Variants in HDAC6 observed in about 807,000 individuals in gnomAD.
The protein encoded by HDAC6 is histone deacetylase 6.
A neutral mutation model predicts 88.9 loss-of-function variants in HDAC6; 5 were observed. That is an observed-to-expected ratio of 0.06 (90% CI 0.03 to 0.12). The LOEUF (loss-of-function observed/expected upper bound fraction) is 0.12, where lower values mean the gene tolerates loss of function less well. HDAC6 is among the 10% of genes least tolerant of loss of function. HDAC6 has a pLI of 1.00. For synonymous variants in HDAC6, 378 were observed against 398.0 expected (o/e 0.95, Z 0.60); for missense variants, 706 against 1,014.4 (o/e 0.70, Z 4.13).
At position 48,823,440 on chromosome X, in the gene HDAC6, G is replaced by T; in HGVS notation, c.3041G>T (p.Gly1014Val). 2 of 1,210,779 alleles carry T rather than the reference G, an allele frequency of 1.7e-6. No homozygotes were observed. Among genetic ancestry groups the T allele is most frequent in the Non-Finnish European group, 2.2e-6 (2 of 895,068 alleles). The change falls in exon 25 of 29, where the codon GGG becomes GTG. Residue 1014 changes from glycine (G) to valine (V), a missense_variant. By Grantham distance (109) the Gly-to-Val change is moderately radical. Around this residue, in one of 9 missense-constraint regions of HDAC6, gnomAD observed 112 missense variants for 95.1 expected, o/e 1.18. Transcript: ENST00000334136. ...CAGACTACGTCAGAGGAGGCTCCAG[G>T]GGGCACCGAGCTGATCCAAACTCCT... ...LDQTTSEEAP[G>V]GTELIQTPLA...
intron 6 of HDAC6, chrX:48,805,916 A>G: frequency 2.3e-6 from 1 of 431,550 alleles, no homozygotes. Context: ...ATGATGAGCT[A>G]TTACTGTTAT....
At chrX:48,814,798 G>A in intron 12 of HDAC6, 36 bp from the exon 13 acceptor site, 3 of 1,210,644 alleles carry the variant, frequency 2.5e-6, no homozygotes, top group Non-Finnish European at 3.4e-6. Flanking sequence ...TAGGCTGTGA[G>A]GGTAGGTAGC....
At chrX:48,815,196 C>T (rs782627904) in intron 14 of HDAC6, 145 bp downstream of exon 14, 35 of 573,516 alleles carry the variant, frequency 6.1e-5, no homozygotes, top group Non-Finnish European at 9.3e-5. Flanking sequence ...TTTGTGCCTC[C>T]GCTTTCCTTC....
Position 48,816,930 on chromosome X carries a change from G to A in HDAC6, c.1791+297G>A, listed in dbSNP as rs2062995162. 3 of 319,304 alleles carry A rather than the reference G, an allele frequency of 9.4e-6. No individual in the cohort carries two copies. In the East Asian group the frequency reaches 1.5e-4, roughly 16 times the overall value. 26.3% of individuals were successfully genotyped at this position (319,304 alleles called of 1,213,427 possible). ...GATTGCACCACTGCACTCTAGCCTG[G>A]GCAACAGAGTGAGACCCTGTGTCAA... On this transcript the variant is annotated intron_variant, in intron 19 of 28. Coordinates refer to ENST00000334136, the MANE Select transcript of HDAC6 (RefSeq NM_006044.4).
rs2062734342 is a variant in HDAC6, at chrX:48,802,078, C to G, written c.-95C>G. On this transcript the variant is annotated 5_prime_UTR_variant, in exon 1 of 29. Transcript: ENST00000334136. The stretch of plus-strand genomic sequence containing the variant: ...CAGGGGGTGGAGCTGGTTGAAGGAA[C>G]GGGGCAGTCCCCTGAGGAGCGGGGC... The G allele has an allele frequency of 2.7e-5, 24 of 897,743 alleles. No homozygotes were observed. In the South Asian group the frequency reaches 5.7e-4, roughly 21 times the overall value. 74.0% of individuals were successfully genotyped at this position (897,743 alleles called of 1,213,427 possible).
Position 48,823,127 on chromosome X carries a change from C to T in HDAC6, c.2728C>T (p.Pro910Ser), listed in dbSNP as rs782698415. The change falls in exon 25 of 29, where the codon CCC (proline) becomes TCC (serine). Residue 910 changes from proline (P) to serine (S), a missense_variant. Transcript: ENST00000334136. ...TGTGGTGGCCCTCACTCAGGACCAGCCCTCAGAGGCAGCCACAGGGGGAGC... is the reference window on the plus strand; with the variant it reads ...TGTGGTGGCCCTCACTCAGGACCAGTCCTCAGAGGCAGCCACAGGGGGAGC... Reference protein sequence around the residue: ...TAVVALTQDQPSEAATGGATL... With the variant: ...TAVVALTQDQSSEAATGGATL... The T allele has an allele frequency of 1.2e-5, 15 of 1,207,466 alleles. No individual in the cohort carries two copies. Among genetic ancestry groups the T allele is most frequent in the South Asian group, 5.3e-5 (3 of 56,263 alleles).
intron 20 of HDAC6, 159 bp from the exon 21 acceptor site, chrX:48,817,882 G>C: frequency 6.0e-6 from 3 of 503,940 alleles, no homozygotes; most frequent in Non-Finnish European, 1.0e-5. Flanking sequence ...GGCCTACCGG[G>C]CAGCCCTTGG....
rs1340290789 is a variant in HDAC6, at chrX:48,824,470, T to G, written c.3580-74T>G. 26 of 1,069,573 alleles carry G rather than the reference T, an allele frequency of 2.4e-5. No homozygotes were observed. In the East Asian group the frequency reaches 7.3e-4, roughly 30 times the overall value. The allele number at this position is 1,069,573 out of a possible 1,213,427, so 88.1% of individuals were successfully genotyped here. ...AAGACAGAGTGGTTGAGGGCTGGAG[T>G]GGGGGCAGCCCTGCAGCCGAGGTAG... On this transcript the variant is annotated intron_variant, in intron 28 of 28. Coordinates refer to ENST00000334136, the MANE Select transcript of HDAC6 (RefSeq NM_006044.4).
In HDAC6 at chrX:48,815,545, T is replaced by C. The variant is rs782106418; in HGVS notation, c.1257-30T>C. The C allele has an allele frequency of 9.1e-6, 11 of 1,205,215 alleles. No homozygotes were observed. The South Asian group carries it at 1.6e-4, about 17-fold the overall frequency. ...GAGCCTCACTGCCCGCCCACATTCCTTGACATCATATTTTCTCCCTGCCCT... is the reference window on the plus strand; with the variant it reads ...GAGCCTCACTGCCCGCCCACATTCCCTGACATCATATTTTCTCCCTGCCCT... On this transcript the variant is annotated intron_variant, in intron 15 of 28. Coordinates refer to ENST00000334136, the MANE Select transcript of HDAC6 (RefSeq NM_006044.4).
intron 10 of HDAC6, among the ~76,000 whole-genome samples, chrX:48,812,849 G>C (rs1244156773): frequency 9.0e-6 from 1 of 111,655 alleles, no homozygotes; most frequent in Non-Finnish European, 1.9e-5. Context: ...CTCTCTTTTA[G>C]AGTCAGCTTT....
rs2063102537 is a variant in HDAC6 at position 48,822,684 on chromosome X, A to G, written c.2402A>G (p.Asp801Gly). Residue 801 changes from aspartate (D) to glycine (G), a missense_variant, in exon 24 of 29, where the codon GAC (aspartate) becomes GGC (glycine). Asp to Gly is a moderately conservative substitution (Grantham distance 94). This residue lies in a region of HDAC6 where 138 missense variants were observed against 303.5 expected (regional missense o/e 0.45). Transcript: ENST00000334136. Reference sequence around the variant, plus strand: ...GCCTGCACTCGCTCCCTCCTTGGAGACCCACCACCCCTGCTGACCCTGCCA... The same window carrying G: ...GCCTGCACTCGCTCCCTCCTTGGAGGCCCACCACCCCTGCTGACCCTGCCA... ...MAACTRSLLG[D>G]PPPLLTLPRP... The G allele has an allele frequency of 8.3e-7, 1 of 1,205,867 alleles. No individual in the cohort carries two copies. Among genetic ancestry groups the G allele is most frequent in the African/African-American group, 1.8e-5 (1 of 56,731 alleles).
chrX:48,824,584 T>G lies in HDAC6; in HGVS notation c.3620T>G (p.Phe1207Cys). 7 of 1,209,925 alleles carry G rather than the reference T, an allele frequency of 5.8e-6. No individual in the cohort carries two copies. The highest frequency in any genetic ancestry group is 1.7e-5 in the African/African-American group (1 of 57,358). ...AAGAACATCGCCCACCAGAACAAGT[T>G]TGGGGAGGATATGCCCCACCCACAC... ...DVKNIAHQNKFGEDMPHPH is the reference protein window; with the variant it reads ...DVKNIAHQNKCGEDMPHPH The change falls in exon 29 of 29, where the codon TTT becomes TGT. Residue 1207 changes from phenylalanine (F) to cysteine (C), a missense_variant. Coordinates refer to ENST00000334136, the MANE Select transcript of HDAC6 (RefSeq NM_006044.4).
intron 10 of HDAC6, 97 bp downstream of exon 10, chrX:48,808,423 C>T (rs2062851490): frequency 3.7e-6 from 2 of 547,414 alleles, no homozygotes; most frequent in Non-Finnish European, 6.1e-6. Context: ...AAGGCATTCA[C>T]ATTCATGGGG....
At position 48,817,766 on chromosome X, in the gene HDAC6, A is replaced by C. The variant is rs1383108432; in HGVS notation, c.1926-275A>C. 2.4e-5 allele frequency: 10 copies of C among 420,786 alleles called. No homozygotes were observed. In the Admixed American group the frequency reaches 4.1e-4, roughly 17 times the overall value. 34.7% of individuals were successfully genotyped at this position (420,786 alleles called of 1,213,427 possible). A position where few individuals can be genotyped will look rare whatever the true frequency, so the allele number is the denominator to read the frequency against. On this transcript the variant is annotated intron_variant, in intron 20 of 28. Coordinates refer to ENST00000334136, the MANE Select transcript of HDAC6 (RefSeq NM_006044.4). ...GGTCTAGGCTCCTGATGCATACTCC[A>C]GAAGACCCACGAACCAGCCCCCAGC... is the stretch of plus-strand genomic sequence containing the variant.
chrX:48,824,849 A>T lies in HDAC6; in HGVS notation c.*237A>T. The T allele has an allele frequency of 1.8e-6, 2 of 1,121,097 alleles. No individual in the cohort carries two copies. Among genetic ancestry groups the T allele is most frequent in the Non-Finnish European group, 2.3e-6 (2 of 853,484 alleles). 92.4% of individuals were successfully genotyped at this position (1,121,097 alleles called of 1,213,427 possible). ...GAGGGGCACCACTACTCCAGCCCAG[A>T]AGGAAAGGGGGGCAGCTCAGTGGCC... On this transcript the variant is annotated 3_prime_UTR_variant, in exon 29 of 29. Coordinates refer to ENST00000334136, the MANE Select transcript of HDAC6 (RefSeq NM_006044.4).
Sources: allele counts gnomAD v4.1 joint callset (sites outside exome capture counted in the v4.1 genomes callset), GRCh38; gene constraint gnomAD v4.1.1; regional missense constraint gnomAD v4.1.1; transcripts MANE v1.5; gene names NCBI Gene and HGNC (gene_info 2026-07-23, HGNC 2026-07-21).